The following MAP3K5 variants were observed in gnomAD, a reference collection of about 807,000 sequenced individuals.
MAP3K5 encodes the protein mitogen-activated protein kinase kinase kinase 5, also known as ASK-1.
MAP3K5 carries 56 observed loss-of-function variants against 158.7 expected under a neutral mutation model. The ratio of observed to expected loss-of-function variants is 0.35; its 90% CI spans 0.28 to 0.44. The LOEUF (loss-of-function observed/expected upper bound fraction) is 0.44, where lower values mean the gene tolerates loss of function less well. Ranked by LOEUF, MAP3K5 falls within the 20% of genes least tolerant of loss-of-function variation. The pLI is 1.00. For synonymous variants in MAP3K5, 579 were observed against 601.7 expected (o/e 0.96, Z 0.55); for missense variants, 1,294 against 1,674.8 (o/e 0.77, Z 3.97).
intron 7 of MAP3K5, among the ~76,000 whole-genome samples, chr6:136,690,318 T>G (rs1780332393): frequency 6.6e-6 from 1 of 152,032 alleles, no homozygotes; most frequent in Non-Finnish European, 1.5e-5. Context: ...TTTTTAAAGT[T>G]TTTTTTTATG....
chr6:136,747,156 T>TCC (rs1782999303), intron 1 of MAP3K5, among the ~76,000 whole-genome samples: 1 of 152,130 alleles, frequency 6.6e-6, no homozygotes. Context: ...CCTGGTCTTA[T>TCC]TGGCCTCCCA....
rs370427484 is a variant in MAP3K5 at position 136,792,172 on chromosome 6, C to T, written c.-15G>A. On this transcript the variant is annotated 5_prime_UTR_variant, in exon 1 of 30. Transcript: ENST00000359015. This position sits in a 1 kb window ranked among gnomAD's most constrained non-coding sequence, Gnocchi z 5.7. ...TCCGTGCTCATCTCTCCGGGCCGGG[C>T]AGCAACGGCGGCGGCGTCCCCCGCC... is the stretch of plus-strand genomic sequence containing the variant. The T allele has an allele frequency of 1.3e-6, 2 of 1,537,610 alleles. No homozygotes were observed. The highest frequency in any genetic ancestry group is 1.4e-5 in the African/African-American group (1 of 71,160).
intron 2 of MAP3K5, 50 bp from the exon 3 acceptor site, chr6:136,705,183 A>T (rs1316678512): frequency 1.2e-6 from 1 of 836,774 alleles, no homozygotes; most frequent in East Asian, 2.9e-5. Context: ...AAACTGAATA[A>T]TTCAACAACA....
chr6:136,707,858 G>C (rs1463250452), intron 2 of MAP3K5, among the ~76,000 whole-genome samples: 1 of 152,120 alleles, frequency 6.6e-6, no homozygotes, highest in East Asian at 1.9e-4. Context: ...TCCATACACT[G>C]GAATACATTA....
chr6:136,756,757 G>C (rs191876846), intron 1 of MAP3K5, among the ~76,000 whole-genome samples: 11 of 152,304 alleles, frequency 7.2e-5, no homozygotes, highest in African/African-American at 1.7e-4. Context: ...TGATGGGAGA[G>C]AGACACTTGC....
In MAP3K5 at chr6:136,561,589, A is replaced by G. The variant is rs1830517022; in HGVS notation, c.3931T>C (p.Ser1311Pro). ...ACTCTCAGCCAGTCGGTAAGTTCAGAATCTTCAGTATTTGTGCCAGAAGAA... is the reference window on the plus strand; with the variant it reads ...ACTCTCAGCCAGTCGGTAAGTTCAGGATCTTCAGTATTTGTGCCAGAAGAA... ...LNSSGTNTED[S>P]ELTDWLRVNG... The change falls in exon 28 of 30, where the codon TCT becomes CCT. Residue 1311 changes from serine (S) to proline (P), a missense_variant. Coordinates refer to ENST00000359015, the MANE Select transcript of MAP3K5 (RefSeq NM_005923.4). 2 of 1,614,078 alleles carry G rather than the reference A, an allele frequency of 1.2e-6. No homozygotes were observed.
chr6:136,643,177 A>G (rs1354881059), intron 11 of MAP3K5, among the ~76,000 whole-genome samples: 1 of 152,244 alleles, frequency 6.6e-6, no homozygotes, highest in Non-Finnish European at 1.5e-5. Flanking sequence ...TTGTCATACT[A>G]TAAACATGGG....
intron 19 of MAP3K5, among the ~76,000 whole-genome samples, chr6:136,602,705 C>T (rs58744956): frequency 2.8e-3 from 425 of 152,162 alleles, no homozygotes; most frequent in Non-Finnish European, 4.6e-3. Flanking sequence ...AACAATCCAG[C>T]GGATTAAATA....
At position 136,697,370 on chromosome 6, in the gene MAP3K5, G is replaced by C. The variant is rs765972938; in HGVS notation, c.824C>G (p.Ser275Cys). 4 of 1,609,010 alleles carry C rather than the reference G, an allele frequency of 2.5e-6. No individual in the cohort carries two copies. Among genetic ancestry groups the C allele is most frequent in the East Asian group, 2.2e-5 (1 of 44,706 alleles). The change falls in exon 5 of 30, where the codon TCT (serine) becomes TGT (cysteine). Residue 275 changes from serine (S) to cysteine (C), a missense_variant. By Grantham distance (112) the Ser-to-Cys change is moderately radical. Coordinates refer to ENST00000359015, the MANE Select transcript of MAP3K5 (RefSeq NM_005923.4). ...AGCTTTCCTGATGTCATTGAGTATA[G>C]ATTCCCGGAAGTACTGGCTGGTAAA... ...QASSSQYFRESILNDIRKARN... is the reference protein window; with the variant it reads ...QASSSQYFRECILNDIRKARN...
chr6:136,610,363 G>A (rs1442305138), intron 18 of MAP3K5, among the ~76,000 whole-genome samples: 2 of 152,076 alleles, frequency 1.3e-5, no homozygotes. Flanking sequence ...CTTTGCACCA[G>A]AGGCAGCTCA....
At chr6:136,559,165 A>G (rs1288600292) in intron 28 of MAP3K5, among the ~76,000 whole-genome samples, 1 of 152,194 alleles carries the variant, frequency 6.6e-6, no homozygotes, top group Non-Finnish European at 1.5e-5. Flanking sequence ...AGCCTGGCCA[A>G]AGTGGTGAAA....
intron 25 of MAP3K5, among the ~76,000 whole-genome samples, chr6:136,578,568 T>C (rs1017486603): frequency 1.2e-4 from 18 of 151,676 alleles, no homozygotes; most frequent in African/African-American, 4.4e-4. Flanking sequence ...TACTTTAGAT[T>C]TGGGGATAGG....
At chr6:136,764,420 A>G (rs970372511) in intron 1 of MAP3K5, among the ~76,000 whole-genome samples, 8 of 152,170 alleles carry the variant, frequency 5.3e-5, no homozygotes, top group African/African-American at 1.9e-4. Context: ...GAGAAGTCCA[A>G]CCGGGTCATG....
chr6:136,764,813 A>G (rs1783893137), intron 1 of MAP3K5, among the ~76,000 whole-genome samples: 1 of 152,144 alleles, frequency 6.6e-6, no homozygotes, highest in Non-Finnish European at 1.5e-5. Flanking sequence ...CAGCTTTCTC[A>G]TGGCAGAGAG....
intron 1 of MAP3K5, among the ~76,000 whole-genome samples, chr6:136,749,749 T>C (rs766505623): frequency 3.3e-5 from 5 of 152,078 alleles, no homozygotes; most frequent in African/African-American, 7.2e-5. Flanking sequence ...CTGATGTCTA[T>C]AAGCCCACAT....
chr6:136,738,467 C>G (rs895631465), intron 1 of MAP3K5, among the ~76,000 whole-genome samples: 3 of 152,086 alleles, frequency 2.0e-5, no homozygotes, highest in Non-Finnish European at 4.4e-5. Flanking sequence ...GAGAGACAAA[C>G]AAACAAACAG....
At chr6:136,722,519 T>A (rs1002323140) in intron 1 of MAP3K5, among the ~76,000 whole-genome samples, 1 of 152,112 alleles carries the variant, frequency 6.6e-6, no homozygotes, top group Non-Finnish European at 1.5e-5. Context: ...GAAATTACTC[T>A]CCATCTTGCT....
At chr6:136,646,029 T>C (rs561338323) in intron 11 of MAP3K5, among the ~76,000 whole-genome samples, 2 of 152,316 alleles carry the variant, frequency 1.3e-5, no homozygotes, top group East Asian at 1.9e-4. Context: ...TTTTTTTGTT[T>C]TTATTGCTTG....
chr6:136,558,038 G>C (rs1830326825), intron 29 of MAP3K5, among the ~76,000 whole-genome samples: 1 of 152,130 alleles, frequency 6.6e-6, no homozygotes, highest in South Asian at 2.1e-4. Context: ...CATCATTTTA[G>C]AGTTTCAGCA....
Sources: allele counts gnomAD v4.1 joint callset (sites outside exome capture counted in the v4.1 genomes callset), GRCh38; gene constraint gnomAD v4.1.1; non-coding constraint Gnocchi (gnomAD v3.1); transcripts MANE v1.5; gene names NCBI Gene and HGNC (gene_info 2026-07-23, HGNC 2026-07-21).